MCC: variants seen among roughly 807,000 people sequenced by gnomAD.
The protein encoded by MCC is colorectal mutant cancer protein.
Under a neutral mutation model 116.2 loss-of-function variants are expected in MCC, and 90 were observed. That is an observed-to-expected ratio of 0.77 (90% CI 0.65 to 0.92). MCC has a LOEUF of 0.92. MCC is among the 40% of genes least tolerant of loss of function. The probability of loss-of-function intolerance (pLI) is 0.00; values close to 1 mark genes in which losing one functional copy is unlikely to be tolerated. For missense variants in MCC, 1,516 were observed against 1,312.2 expected (o/e 1.16, Z -2.40); for synonymous variants, 578 against 510.5 (o/e 1.13, Z -1.78).
intron 3 of MCC, among the ~76,000 whole-genome samples, chr5:113,257,329 A>C (rs571757668): frequency 2.6e-5 from 4 of 152,140 alleles, no homozygotes; most frequent in Non-Finnish European, 5.9e-5. Context: ...GTACAAGGAA[A>C]TCAGGAGAGA....
intron 2 of MCC, among the ~76,000 whole-genome samples, chr5:113,360,086 C>T (rs1009921312): frequency 3.9e-5 from 6 of 152,114 alleles, no homozygotes; most frequent in Non-Finnish European, 8.8e-5. Context: ...TGAAAAGCAT[C>T]ACATACAACC....
At chr5:113,154,508 G>A (rs1760063571) in intron 3 of MCC, among the ~76,000 whole-genome samples, 1 of 152,178 alleles carries the variant, frequency 6.6e-6, no homozygotes, top group Admixed American at 6.5e-5. Context: ...TTGAGTGCTG[G>A]ACACTCAATC....
chr5:113,347,559 A>G (rs893024583), intron 2 of MCC, among the ~76,000 whole-genome samples: 3 of 152,204 alleles, frequency 2.0e-5, no homozygotes, highest in Non-Finnish European at 4.4e-5. Flanking sequence ...CATCAAATCA[A>G]AAAACATACA....
At chr5:113,268,284 A>C (rs1765488237) in intron 3 of MCC, among the ~76,000 whole-genome samples, 1 of 152,228 alleles carries the variant, frequency 6.6e-6, no homozygotes, top group Admixed American at 6.5e-5. Context: ...TCAAGGGTCC[A>C]AATGAACTCT....
intron 3 of MCC, among the ~76,000 whole-genome samples, chr5:113,195,687 G>A (rs1245728682): frequency 3.3e-5 from 5 of 152,126 alleles, no homozygotes; most frequent in Non-Finnish European, 7.4e-5. Flanking sequence ...CTGGCAAACA[G>A]GTCAGTAAGC....
chr5:113,434,918 A>G lies in MCC; in HGVS notation c.171-49706T>C. ...ATGGGCCAGCAGTGTGCTCATTTACATCCTGGATAGAGAGTCCTTTGGGCT... is the reference window on the plus strand; with the variant it reads ...ATGGGCCAGCAGTGTGCTCATTTACGTCCTGGATAGAGAGTCCTTTGGGCT... On this transcript the variant is annotated intron_variant, in intron 1 of 18. Transcript: ENST00000408903. This position sits in a 1 kb window ranked among gnomAD's most constrained non-coding sequence, Gnocchi z 4.2. 1 of 1,514,616 alleles carries G rather than the reference A, an allele frequency of 6.6e-7. No individual in the cohort carries two copies. The highest frequency in any genetic ancestry group is 8.9e-7 in the Non-Finnish European group (1 of 1,126,902). 93.8% of individuals were successfully genotyped at this position (1,514,616 alleles called of 1,614,324 possible).
intron 3 of MCC, among the ~76,000 whole-genome samples, chr5:113,166,403 G>A (rs189353137): frequency 2.8e-4 from 42 of 152,254 alleles, no homozygotes; most frequent in East Asian, 2.7e-3. Flanking sequence ...CAAGTACAGC[G>A]GTAGAAAAAA....
intron 1 of MCC, among the ~76,000 whole-genome samples, chr5:113,483,800 C>T (rs1772441701): frequency 6.6e-6 from 1 of 152,006 alleles, no homozygotes; most frequent in Non-Finnish European, 1.5e-5. Flanking sequence ...CCTAAATGCC[C>T]ACTGATGATA....
intron 16 of MCC, among the ~76,000 whole-genome samples, chr5:113,043,848 G>A (rs1751896592): frequency 6.6e-6 from 1 of 152,400 alleles, no homozygotes; most frequent in Middle Eastern, 3.4e-3. Context: ...GGCCAGTGCG[G>A]TGGGGATGAC....
intron 1 of MCC, chr5:113,436,159 C>T (rs904697852): frequency 6.6e-6 from 1 of 152,568 alleles, no homozygotes; most frequent in African/African-American, 2.4e-5. Context: ...GTTGGGTCAC[C>T]ACCAGCTGTG....
chr5:113,292,606 C>A (rs1338944141), intron 3 of MCC, among the ~76,000 whole-genome samples: 1 of 152,088 alleles, frequency 6.6e-6, no homozygotes, highest in East Asian at 1.9e-4. Flanking sequence ...TTATGTGGCA[C>A]CTGAGTGTCA....
chr5:113,088,782 T>C (rs1473928907), intron 8 of MCC, among the ~76,000 whole-genome samples: 4 of 152,078 alleles, frequency 2.6e-5, no homozygotes, highest in Non-Finnish European at 5.9e-5. Context: ...CTATGAGAGT[T>C]TGTAGTAATC....
At chr5:113,044,503 G>A (rs1751939924) in intron 16 of MCC, 4 of 983,510 alleles carry the variant, frequency 4.1e-6, no homozygotes, top group Non-Finnish European at 4.8e-6. Flanking sequence ...ACGGACATGA[G>A]TGCTACCAAG....
intron 3 of MCC, among the ~76,000 whole-genome samples, chr5:113,216,620 C>T (rs942088104): frequency 6.6e-6 from 1 of 152,200 alleles, no homozygotes; most frequent in Non-Finnish European, 1.5e-5. Flanking sequence ...TTTAAAATAA[C>T]TATATTTAAA....
chr5:113,207,242 T>A (rs1561457802), intron 3 of MCC, among the ~76,000 whole-genome samples: 1 of 152,138 alleles, frequency 6.6e-6, no homozygotes, highest in Non-Finnish European at 1.5e-5. Flanking sequence ...GGCAAATCAT[T>A]CTGCCCCTTT....
chr5:113,136,500 G>A (rs1287694819), intron 5 of MCC, among the ~76,000 whole-genome samples: 4 of 151,970 alleles, frequency 2.6e-5, no homozygotes, highest in African/African-American at 7.2e-5. Context: ...GCTGCTGTAA[G>A]AATTATATAA....
intron 1 of MCC, among the ~76,000 whole-genome samples, chr5:113,406,061 A>G (rs17135605): frequency 0.052 from 7,940 of 152,256 alleles, 283 homozygotes; most frequent in Non-Finnish European, 0.079. Flanking sequence ...CAACCAATAT[A>G]TAAATTAAAA....
chr5:113,172,309 T>A (rs1300681639), intron 3 of MCC, among the ~76,000 whole-genome samples: 1 of 152,162 alleles, frequency 6.6e-6, no homozygotes, highest in East Asian at 1.9e-4. Context: ...CTCTTTAAGG[T>A]TATTTAACAG....
At chr5:113,133,391 G>A (rs980924217) in intron 5 of MCC, among the ~76,000 whole-genome samples, 5 of 151,930 alleles carry the variant, frequency 3.3e-5, no homozygotes, top group African/African-American at 9.7e-5. Context: ...TGCGATATTT[G>A]TCTTTTTGTG....
Sources: gnomAD v4.1 joint callset for allele counts (sites outside exome capture counted in the v4.1 genomes callset) on GRCh38, gnomAD v4.1.1 for gene constraint, Gnocchi (gnomAD v3.1) non-coding constraint, MANE v1.5 for transcripts, NCBI Gene and HGNC (gene_info 2026-07-23, HGNC 2026-07-21) for gene names.